Variants in SLIT2 observed in about 807,000 individuals in gnomAD.
SLIT2 encodes slit homolog 2 protein.
In SLIT2, 41 loss-of-function variants were observed where a neutral mutation model predicts 185.7. The observed-to-expected ratio is 0.22, with a 90% confidence interval of 0.17 to 0.29. The LOEUF (loss-of-function observed/expected upper bound fraction) is 0.29. SLIT2 is among the 10% of genes least tolerant of loss of function. The probability of loss-of-function intolerance (pLI) is 1.00; values close to 1 mark genes in which losing one functional copy is unlikely to be tolerated. For missense variants in SLIT2, 1,571 were observed against 1,909.0 expected (o/e 0.82, Z 3.30); for synonymous variants, 693 against 680.2 (o/e 1.02, Z -0.29).
intron 31 of SLIT2, 56 bp from the exon 32 acceptor site, chr4:20,596,359 G>T: frequency 6.5e-7 from 1 of 1,541,088 alleles, no homozygotes; most frequent in South Asian, 1.2e-5. Context: ...TCTCAATTCA[G>T]ATTGGCAATT....
intron 4 of SLIT2, among the ~76,000 whole-genome samples, chr4:20,380,511 G>A (rs1339443010): frequency 6.6e-6 from 1 of 151,934 alleles, no homozygotes; most frequent in East Asian, 1.9e-4. Flanking sequence ...ATGATAATTA[G>A]GTATTGTAAT....
At chr4:20,513,553 A>G (rs1163524078) in intron 11 of SLIT2, among the ~76,000 whole-genome samples, 1 of 152,220 alleles carries the variant, frequency 6.6e-6, no homozygotes, top group Non-Finnish European at 1.5e-5. Flanking sequence ...AGGCCCTAGT[A>G]GAGGGTCTAG....
intron 9 of SLIT2, 109 bp from the exon 10 acceptor site, chr4:20,510,386 C>A: frequency 1.3e-6 from 1 of 742,592 alleles, no homozygotes; most frequent in Non-Finnish European, 2.4e-6. Flanking sequence ...AAAAATATAT[C>A]ACTCATGAAG....
At chr4:20,280,133 A>T (rs542914984) in intron 4 of SLIT2, among the ~76,000 whole-genome samples, 16 of 152,062 alleles carry the variant, frequency 1.1e-4, no homozygotes, top group Non-Finnish European at 1.6e-4. Context: ...GGAGATCCAG[A>T]CCATCCTGGC....
intron 4 of SLIT2, among the ~76,000 whole-genome samples, chr4:20,295,640 A>C (rs1716382026): frequency 6.6e-6 from 1 of 152,188 alleles, no homozygotes; most frequent in Admixed American, 6.5e-5. Context: ...CTTCCTGAGA[A>C]GTTATTCATC....
intron 12 of SLIT2, among the ~76,000 whole-genome samples, chr4:20,520,796 C>G (rs1257096913): frequency 6.6e-6 from 1 of 152,126 alleles, no homozygotes. Context: ...CCCCAATTCT[C>G]TCTTTATTTT....
chr4:20,492,607 T>A (rs1717878550), intron 9 of SLIT2, among the ~76,000 whole-genome samples: 1 of 152,164 alleles, frequency 6.6e-6, no homozygotes, highest in Admixed American at 6.6e-5. Context: ...TAGGGAAAAT[T>A]GTTACCTCAA....
intron 26 of SLIT2, among the ~76,000 whole-genome samples, chr4:20,559,357 C>G (rs534700703): frequency 6.6e-6 from 1 of 151,912 alleles, no homozygotes; most frequent in African/African-American, 2.4e-5. Context: ...GTTGCAGTTG[C>G]GTTTAGAAGA....
At chr4:20,408,040 A>G (rs1222958187) in intron 4 of SLIT2, among the ~76,000 whole-genome samples, 5 of 152,220 alleles carry the variant, frequency 3.3e-5, no homozygotes, top group Non-Finnish European at 7.3e-5. Flanking sequence ...GTGATCAGCA[A>G]CTATTGTTAT....
At chr4:20,285,745 A>G (rs1482353279) in intron 4 of SLIT2, among the ~76,000 whole-genome samples, 1 of 152,146 alleles carries the variant, frequency 6.6e-6, no homozygotes, top group African/African-American at 2.4e-5. Flanking sequence ...ATGGTGTTTC[A>G]CCATATTGCC....
rs1170245321 is a variant in SLIT2, at chr4:20,523,742, A to G, written c.1131-18A>G. On this transcript the variant is annotated intron_variant, in intron 12 of 36. Coordinates refer to ENST00000504154, the MANE Select transcript of SLIT2 (RefSeq NM_004787.4). ...ATAAGATGCTACACTTTAATTCTAC[A>G]ACTATTTAATCAAACAGATTATTGA... is the stretch of plus-strand genomic sequence containing the variant. 6.2e-7 allele frequency: 1 copy of G among 1,611,452 alleles called. No homozygotes were observed. Among genetic ancestry groups the G allele is most frequent in the African/African-American group, 1.3e-5 (1 of 74,868 alleles).
At chr4:20,315,910 G>T (rs921162055) in intron 4 of SLIT2, among the ~76,000 whole-genome samples, 2 of 151,740 alleles carry the variant, frequency 1.3e-5, no homozygotes, top group African/African-American at 4.8e-5. Context: ...TCATATTTAT[G>T]ATATTTTGAG....
intron 29 of SLIT2, among the ~76,000 whole-genome samples, chr4:20,574,786 CAAA>C (rs57022828): frequency 2.3e-5 from 2 of 86,168 alleles, no homozygotes; most frequent in Non-Finnish European, 4.7e-5. Context: ...GACTCGCTTT[CAAA>C]AAAAAAAAAA....
At chr4:20,593,619 G>A (rs1426186009) in intron 30 of SLIT2, among the ~76,000 whole-genome samples, 1 of 152,054 alleles carries the variant, frequency 6.6e-6, no homozygotes, top group African/African-American at 2.4e-5. Flanking sequence ...GAGCAGATCT[G>A]AAATATTTTC....
At chr4:20,316,292 C>T (rs1485292690) in intron 4 of SLIT2, among the ~76,000 whole-genome samples, 1 of 152,002 alleles carries the variant, frequency 6.6e-6, no homozygotes, top group Admixed American at 6.6e-5. Context: ...GGTTTTTTTA[C>T]ATACTTATCA....
Position 20,334,663 on chromosome 4 carries a change from G to A in SLIT2, c.395+65782G>A, listed in dbSNP as rs1436037752. ...TCCCTGAGGTAAAAAAGTCCATGTT[G>A]AATTTATCTTTATATGTCCATGCAT... On this transcript the variant is annotated intron_variant, in intron 4 of 36. Coordinates refer to ENST00000504154, the MANE Select transcript of SLIT2 (RefSeq NM_004787.4). Among the ~76,000 whole-genome samples, 3 of 152,030 alleles carry A rather than the reference G, an allele frequency of 2.0e-5. No homozygotes were observed. In the East Asian group the frequency reaches 5.8e-4, roughly 29 times the overall value.
intron 32 of SLIT2, among the ~76,000 whole-genome samples, chr4:20,597,968 G>A (rs9992598): frequency 0.66 from 100,646 of 152,092 alleles, 33,775 homozygotes; most frequent in East Asian, 0.97. Context: ...AGCTTATAAC[G>A]GGAGCAAAAG....
intron 4 of SLIT2, among the ~76,000 whole-genome samples, chr4:20,384,200 C>T (rs1197379563): frequency 1.3e-5 from 2 of 151,838 alleles, no homozygotes; most frequent in Non-Finnish European, 2.9e-5. Context: ...TGGAATACTG[C>T]TCAGCAATTA....
At chr4:20,551,043 T>G (rs1723703087) in intron 25 of SLIT2, 145 bp downstream of exon 25, 2 of 502,088 alleles carry the variant, frequency 4.0e-6, no homozygotes, top group Middle Eastern at 6.0e-4. Context: ...ATTTTCAAAC[T>G]GGATATGATG....
Sources: allele counts gnomAD v4.1 joint callset (sites outside exome capture counted in the v4.1 genomes callset), GRCh38; gene constraint gnomAD v4.1.1; transcripts MANE v1.5; gene names NCBI Gene and HGNC (gene_info 2026-07-23, HGNC 2026-07-21).